The following GALNT16 variants were observed in gnomAD, a reference collection of about 807,000 sequenced individuals.
GALNT16 encodes polypeptide N-acetylgalactosaminyltransferase 16.
In GALNT16, 40 loss-of-function variants were observed where a neutral mutation model predicts 76.1. That is an observed-to-expected ratio of 0.53 (90% CI 0.41 to 0.68). GALNT16 has a LOEUF of 0.68. Among genes scored for constraint, GALNT16 ranks in the 30% least tolerant of loss-of-function variants. GALNT16 has a pLI of 0.00. For synonymous variants in GALNT16, 276 were observed against 285.2 expected, an observed-to-expected ratio of 0.97 and a Z score of 0.32; for missense variants, 621 against 731.9, an observed-to-expected ratio of 0.85 and a Z score of 1.75.
intron 1 of GALNT16, among the ~76,000 whole-genome samples, chr14:69,305,652 G>A (rs1055292280): frequency 6.6e-6 from 1 of 151,978 alleles, no homozygotes; most frequent in South Asian, 2.1e-4. Context: ...AGTTGTAGGA[G>A]TTCCTTAGAA....
chr14:69,284,229 C>T (rs1329510759), intron 1 of GALNT16, among the ~76,000 whole-genome samples: 1 of 152,224 alleles, frequency 6.6e-6, no homozygotes, highest in Non-Finnish European at 1.5e-5. Flanking sequence ...AGAGCCACCA[C>T]TTCAATGCCA....
the GALNT16 span, among the ~76,000 whole-genome samples, chr14:69,379,671 C>G: frequency 6.6e-6 from 1 of 152,112 alleles, no homozygotes; most frequent in Non-Finnish European, 1.5e-5. Flanking sequence ...CTCAAAAAAA[C>G]AACAACAAAA....
intron 1 of GALNT16, among the ~76,000 whole-genome samples, chr14:69,268,745 G>T (rs2044369552): frequency 6.6e-6 from 1 of 152,228 alleles, no homozygotes; most frequent in South Asian, 2.1e-4. Flanking sequence ...GCAGCATAAG[G>T]GAGCAGAAAG....
chr14:69,345,065 A>G (rs940592788), intron 12 of GALNT16, among the ~76,000 whole-genome samples: 1 of 152,166 alleles, frequency 6.6e-6, no homozygotes, highest in Non-Finnish European at 1.5e-5. Context: ...GGCAGCTGCT[A>G]CTCACTGCAG....
chr14:69,331,142 A>G (rs910192186), intron 6 of GALNT16, among the ~76,000 whole-genome samples: 1 of 152,240 alleles, frequency 6.6e-6, no homozygotes, highest in African/African-American at 2.4e-5. Context: ...AGAGTAGCTT[A>G]AAAGAGGAAA....
chr14:69,341,423 G>A (rs764051366), intron 11 of GALNT16, among the ~76,000 whole-genome samples: 7 of 152,352 alleles, frequency 4.6e-5, no homozygotes, highest in East Asian at 1.9e-4. Context: ...GCATGGTCCC[G>A]TATGGTCTGT....
the GALNT16 span, among the ~76,000 whole-genome samples, chr14:69,381,961 G>A: frequency 6.6e-6 from 1 of 152,218 alleles, no homozygotes; most frequent in Non-Finnish European, 1.5e-5. Context: ...AAAGTGCTGG[G>A]ATTACAGGCG....
At chr14:69,356,784 C>T (rs1490108438), downstream of GALNT16, 1 of 152,024 alleles carries the variant, frequency 6.6e-6, no homozygotes, top group Non-Finnish European at 1.5e-5. Flanking sequence ...GTCTCCATCT[C>T]CTGACCTCGT....
At chr14:69,283,941 A>G (rs1168427252) in intron 1 of GALNT16, among the ~76,000 whole-genome samples, 2 of 152,212 alleles carry the variant, frequency 1.3e-5, no homozygotes, top group Non-Finnish European at 2.9e-5. Flanking sequence ...CCTGTCTTCA[A>G]GTTGCTTACA....
At chr14:69,374,237 G>GT in the GALNT16 span, among the ~76,000 whole-genome samples, 1 of 152,162 alleles carries the variant, frequency 6.6e-6, no homozygotes, top group Non-Finnish European at 1.5e-5. Flanking sequence ...AGTGTGAGTA[G>GT]TCTTTCAGTG....
chr14:69,289,885 C>T (rs1022653905), intron 1 of GALNT16, among the ~76,000 whole-genome samples: 10 of 152,106 alleles, frequency 6.6e-5, no homozygotes, highest in African/African-American at 2.4e-4. Flanking sequence ...AGGTGCCCGC[C>T]ACCAGGCCCA....
chr14:69,296,163 A>G (rs1352700214), intron 1 of GALNT16, among the ~76,000 whole-genome samples: 1 of 151,960 alleles, frequency 6.6e-6, no homozygotes, highest in Non-Finnish European at 1.5e-5. Flanking sequence ...TGGCCAGTGT[A>G]GGAGGAAGAG....
intron 1 of GALNT16, among the ~76,000 whole-genome samples, chr14:69,284,045 T>G (rs905273117): frequency 3.3e-5 from 5 of 152,186 alleles, no homozygotes; most frequent in African/African-American, 1.2e-4. Context: ...CATCCTGATT[T>G]GGAAAAATGG....
chr14:69,279,106 A>G (rs2044508758), intron 1 of GALNT16, among the ~76,000 whole-genome samples: 1 of 151,892 alleles, frequency 6.6e-6, no homozygotes, highest in Non-Finnish European at 1.5e-5. Flanking sequence ...TAATTTTTGT[A>G]TTTTTAGTAG....
chr14:69,276,511 T>A (rs909934439), intron 1 of GALNT16, among the ~76,000 whole-genome samples: 1 of 152,120 alleles, frequency 6.6e-6, no homozygotes. Flanking sequence ...TGAAGCCCTG[T>A]CTCTGCCAAA....
At chr14:69,372,216 A>G in the GALNT16 span, among the ~76,000 whole-genome samples, 5 of 152,054 alleles carry the variant, frequency 3.3e-5, no homozygotes, top group Non-Finnish European at 7.4e-5. Flanking sequence ...GTGCCTATCA[A>G]AGCTGGTGAT....
At chr14:69,381,854 A>G in the GALNT16 span, among the ~76,000 whole-genome samples, 1 of 152,042 alleles carries the variant, frequency 6.6e-6, no homozygotes, top group Non-Finnish European at 1.5e-5. Context: ...ACGTCCAGCT[A>G]ATGTTTTGTA....
intron 1 of GALNT16, among the ~76,000 whole-genome samples, chr14:69,301,618 T>C (rs970055589): frequency 1.3e-5 from 2 of 151,972 alleles, no homozygotes; most frequent in Non-Finnish European, 2.9e-5. Flanking sequence ...GGATTACAGG[T>C]GTGAACTACT....
intron 9 of GALNT16, among the ~76,000 whole-genome samples, chr14:69,334,514 G>C (rs772762240): frequency 2.0e-5 from 3 of 152,238 alleles, no homozygotes; most frequent in Non-Finnish European, 2.9e-5. Flanking sequence ...ACCGACTTGA[G>C]TGTTTATTAA....
Sources: gnomAD v4.1 joint callset for allele counts (sites outside exome capture counted in the v4.1 genomes callset) on GRCh38, gnomAD v4.1.1 for gene constraint, MANE v1.5 for transcripts, NCBI Gene and HGNC (gene_info 2026-07-23, HGNC 2026-07-21) for gene names.